Variants in F5 observed in about 807,000 individuals in gnomAD.
The protein encoded by F5 is coagulation factor V.
Under a neutral mutation model 216.4 loss-of-function variants are expected in F5, and 138 were observed. The observed-to-expected ratio is 0.64, with a 90% confidence interval of 0.56 to 0.73. The LOEUF is 0.73. Among genes scored for constraint, F5 ranks in the 30% least tolerant of loss-of-function variants. F5 has a pLI of 0.00. For missense variants in F5, 2,403 were observed against 2,674.0 expected (o/e 0.90, Z 2.24); for synonymous variants, 916 against 930.7 (o/e 0.98, Z 0.29).
intron 10 of F5, among the ~76,000 whole-genome samples, chr1:169,548,831 T>C (rs1010720105): frequency 6.7e-6 from 1 of 148,998 alleles, no homozygotes; most frequent in Non-Finnish European, 1.5e-5. Flanking sequence ...ATGGTGCCAC[T>C]GCTCTCCAGC....
chr1:169,542,117 C>A lies in F5; in HGVS notation c.2973G>T (p.Lys991Asn). ...AWGESTPLAN[K>N]PGKQSGHPKF... ...TTGGGTGGCCACTCTGCTTTCCAGG[C>A]TTGTTGGCAAGAGGGGTGCTTTCTC... Residue 991 changes from lysine to asparagine, a missense_variant, in exon 13 of 25, where the codon AAG becomes AAT. Around this residue, in one of 4 missense-constraint regions of F5, gnomAD observed 1,425 missense variants for 1,554.8 expected, o/e 0.92. Transcript: ENST00000367797. 1 of 1,614,022 alleles carries A rather than the reference C, an allele frequency of 6.2e-7. No homozygotes were observed. The highest frequency in any genetic ancestry group is 1.1e-5 in the South Asian group (1 of 91,070).
At position 169,524,844 on chromosome 1, in the gene F5, C is replaced by G. The variant is rs902521052; in HGVS notation, c.5781G>C (p.Glu1927Asp). ...CATGGTGCTACAACTTACCCAGAAA[C>G]TCTGAAGCCTTGATCTGTGAATCAG... Reference protein sequence around the residue: ...IISDSQIKASEFLGYWEPRLA... With the variant: ...IISDSQIKASDFLGYWEPRLA... Residue 1927 changes from glutamate to aspartate, a missense_variant, in exon 19 of 25, where the codon GAG (glutamate) becomes GAC (aspartate). By Grantham distance (45) the Glu-to-Asp change is conservative. Around this residue, in one of 4 missense-constraint regions of F5, gnomAD observed 659 missense variants for 787.9 expected, o/e 0.84. Transcript: ENST00000367797. 1 of 1,613,674 alleles carries G rather than the reference C, an allele frequency of 6.2e-7. No homozygotes were observed. The highest frequency in any genetic ancestry group is 1.3e-5 in the African/African-American group (1 of 75,010).
chr1:169,571,342 T>C (rs372166864), intron 3 of F5, among the ~76,000 whole-genome samples: 38 of 152,282 alleles, frequency 2.5e-4, no homozygotes, highest in African/African-American at 9.1e-4. Context: ...TTTAGTACTC[T>C]ACCTAAGTGA....
intron 15 of F5, among the ~76,000 whole-genome samples, 164 bp from the exon 16 acceptor site, chr1:169,529,982 C>T (rs1346606288): frequency 6.6e-6 from 1 of 152,112 alleles, no homozygotes; most frequent in African/African-American, 2.4e-5. Context: ...TCACCTAATT[C>T]TGTTGTATTC....
At chr1:169,552,841 C>G in intron 7 of F5, 107 bp from the exon 8 acceptor site, 2 of 812,448 alleles carry the variant, frequency 2.5e-6, no homozygotes, top group East Asian at 5.0e-5. Context: ...AGCTAACATA[C>G]TAGTTCTCTA....
chr1:169,552,831 A>G, intron 7 of F5, 97 bp from the exon 8 acceptor site: 2 of 898,404 alleles, frequency 2.2e-6, no homozygotes, highest in Admixed American at 4.1e-5. Flanking sequence ...CTCTTAGATT[A>G]GCTAACATAC....
intron 13 of F5, among the ~76,000 whole-genome samples, chr1:169,538,908 T>C (rs920475513): frequency 1.3e-5 from 2 of 152,110 alleles, no homozygotes; most frequent in East Asian, 1.9e-4. Flanking sequence ...TGATATAGTA[T>C]TATAGATTTG....
At chr1:169,576,456 A>G (rs1660851773) in intron 2 of F5, among the ~76,000 whole-genome samples, 1 of 152,190 alleles carries the variant, frequency 6.6e-6, no homozygotes, top group African/African-American at 2.4e-5. Flanking sequence ...TAGTTAACAA[A>G]GCCTGGGAGG....
chr1:169,583,007 G>T (rs9332497), intron 1 of F5, among the ~76,000 whole-genome samples: 1,684 of 152,260 alleles, frequency 0.011, 37 homozygotes, highest in African/African-American at 0.038. Flanking sequence ...TAAAAGCCCT[G>T]GGATTCATAT....
At chr1:169,550,293 C>A (rs1368100857) in intron 9 of F5, among the ~76,000 whole-genome samples, 4 of 75,450 alleles carry the variant, frequency 5.3e-5, no homozygotes, top group Non-Finnish European at 8.6e-5. Context: ...CCCCCACCCC[C>A]CCCCCCCGAC....
At chr1:169,522,418 ATCTT>A (rs1394900153) in intron 21 of F5, among the ~76,000 whole-genome samples, 1 of 152,170 alleles carries the variant, frequency 6.6e-6, no homozygotes, top group Non-Finnish European at 1.5e-5. Context: ...AGACGACAAA[ATCTT>A]TATGCTATGG....
chr1:169,572,011 T>A (rs552584330), intron 3 of F5, among the ~76,000 whole-genome samples: 1 of 152,200 alleles, frequency 6.6e-6, no homozygotes, highest in East Asian at 1.9e-4. Flanking sequence ...CATTAAAGAG[T>A]AAGAACCCAG....
chr1:169,565,853 G>C (rs889552271), intron 3 of F5, among the ~76,000 whole-genome samples: 3 of 152,046 alleles, frequency 2.0e-5, no homozygotes, highest in African/African-American at 7.2e-5. Flanking sequence ...CCAAAGGATA[G>C]CTTGACACTA....
chr1:169,552,099 C>A (rs1324478381), intron 8 of F5, among the ~76,000 whole-genome samples: 1 of 152,198 alleles, frequency 6.6e-6, no homozygotes, highest in Non-Finnish European at 1.5e-5. Context: ...TCTACTGTAT[C>A]ACTCAGCACT....
At chr1:169,575,233 G>A (rs1660816900) in intron 2 of F5, among the ~76,000 whole-genome samples, 1 of 152,186 alleles carries the variant, frequency 6.6e-6, no homozygotes, top group Non-Finnish European at 1.5e-5. Context: ...AGTTAGAGTA[G>A]CGTGCGCAAA....
At chr1:169,583,167 G>A (rs1661026249) in intron 1 of F5, among the ~76,000 whole-genome samples, 1 of 152,212 alleles carries the variant, frequency 6.6e-6, no homozygotes. Context: ...AGACAACAGG[G>A]AGAGTTGTGA....
chr1:169,569,801 CT>C (rs1201525391), intron 3 of F5, among the ~76,000 whole-genome samples: 8 of 152,018 alleles, frequency 5.3e-5, no homozygotes, highest in Non-Finnish European at 8.8e-5. Context: ...TCTTAACCCC[CT>C]ACCACCTATC....
chr1:169,551,222 G>T (rs6671738), intron 8 of F5, among the ~76,000 whole-genome samples: 13,545 of 152,248 alleles, frequency 0.089, 654 homozygotes, highest in African/African-American at 0.11. Flanking sequence ...GCTGAAGCAG[G>T]TGGATCACTT....
chr1:169,521,640 G>C (rs1392775982), intron 21 of F5, among the ~76,000 whole-genome samples: 1 of 46,202 alleles, frequency 2.2e-5, no homozygotes, highest in Non-Finnish European at 4.3e-5. Context: ...TTTTTTTTTT[G>C]AGACGGAGTC....
Sources: allele counts gnomAD v4.1 joint callset (sites outside exome capture counted in the v4.1 genomes callset), GRCh38; gene constraint gnomAD v4.1.1; regional missense constraint gnomAD v4.1.1; transcripts MANE v1.5; gene names NCBI Gene and HGNC (gene_info 2026-07-23, HGNC 2026-07-21).